SLC26A4: variants seen among roughly 807,000 people sequenced by gnomAD.
SLC26A4 encodes pendrin.
SLC26A4 carries 93 observed loss-of-function variants against 90.4 expected under a neutral mutation model. The ratio of observed to expected loss-of-function variants is 1.03; its 90% CI spans 0.87 to 1.22. The LOEUF (loss-of-function observed/expected upper bound fraction) is 1.22. SLC26A4 is among the 50% of genes most tolerant of loss of function. The probability of loss-of-function intolerance (pLI) is 0.00; values close to 1 mark genes in which losing one functional copy is unlikely to be tolerated. For missense variants in SLC26A4, 1,127 were observed against 946.2 expected (o/e 1.19, Z -2.51); for synonymous variants, 393 against 354.6 (o/e 1.11, Z -1.22).
Position 107,661,924 on chromosome 7 carries a change from G to A in SLC26A4, c.164+119G>A. ...CGGGCGGCGGAGCCCCTGGGCGCCAGCTGCTTCTCCCAGAGGCCCGACTTT... is the reference window on the plus strand; with the variant it reads ...CGGGCGGCGGAGCCCCTGGGCGCCAACTGCTTCTCCCAGAGGCCCGACTTT... On this transcript the variant is annotated intron_variant, in intron 2 of 20. Transcript: ENST00000644269. This position sits in a 1 kb window ranked among gnomAD's most constrained non-coding sequence, Gnocchi z 5.1. The A allele has an allele frequency of 8.5e-7, 1 of 1,170,450 alleles. No individual in the cohort carries two copies. The highest frequency in any genetic ancestry group is 1.6e-5 in the South Asian group (1 of 63,340). 72.5% of individuals were successfully genotyped at this position (1,170,450 alleles called of 1,614,324 possible).
chr7:107,706,195 A>C (rs1160315438), intron 18 of SLC26A4, among the ~76,000 whole-genome samples: 1 of 152,232 alleles, frequency 6.6e-6, no homozygotes, highest in East Asian at 1.9e-4. Context: ...ATGGTAGACC[A>C]ATTTGTTTAC....
chr7:107,676,778 A>G (rs1791034672), intron 6 of SLC26A4, among the ~76,000 whole-genome samples: 1 of 152,224 alleles, frequency 6.6e-6, no homozygotes, highest in Non-Finnish European at 1.5e-5. Context: ...ATCCCATACT[A>G]TTACACTCCA....
rs1432976327 is a variant in SLC26A4 at position 107,682,765 on chromosome 7, A to T, written c.766-437A>T. Among the ~76,000 whole-genome samples, 4 of 152,144 alleles carry T rather than the reference A, an allele frequency of 2.6e-5. No individual in the cohort carries two copies. The East Asian group carries it at 7.7e-4, about 29-fold the overall frequency. On this transcript the variant is annotated intron_variant, in intron 6 of 20. Transcript: ENST00000644269. ...CAGCCTTTAGTCTCAATGCTGTATC[A>T]CTGTAGTAAAAATCAGGCTACTTGA... is the stretch of plus-strand genomic sequence containing the variant.
At chr7:107,671,781 A>G (rs144289379) in intron 3 of SLC26A4, among the ~76,000 whole-genome samples, 2 of 152,348 alleles carry the variant, frequency 1.3e-5, no homozygotes, top group Non-Finnish European at 2.9e-5. Flanking sequence ...TGCAAGTTGA[A>G]CATATTTTAA....
In SLC26A4 at chr7:107,672,131, CT is replaced by C; in HGVS notation, c.305-4del. 2 of 1,573,666 alleles carry C rather than the reference CT, an allele frequency of 1.3e-6. No homozygotes were observed. The highest frequency in any genetic ancestry group is 1.1e-5 in the South Asian group (1 of 90,310). On this transcript the variant is annotated splice_polypyrimidine_tract_variant and splice_region_variant and intron_variant, in intron 3 of 20. Transcript: ENST00000644269. ...TGTGAATGTAATCACTTTGCATGTG[CT>C]TTCAGGGATGGCATATGCCCTACTA...
intron 18 of SLC26A4, among the ~76,000 whole-genome samples, chr7:107,708,125 A>G (rs1262529737): frequency 6.6e-6 from 1 of 152,220 alleles, no homozygotes; most frequent in Non-Finnish European, 1.5e-5. Flanking sequence ...ACATAGGCCC[A>G]CACTTTAGCC....
Position 107,716,623 on chromosome 7 carries a change from T to C in SLC26A4, c.*1177T>C, listed in dbSNP as rs1792351985. 1 of 152,204 alleles carries C rather than the reference T, an allele frequency of 6.6e-6. No individual in the cohort carries two copies. The highest frequency in any genetic ancestry group is 6.5e-5 in the Admixed American group (1 of 15,268). The allele number at this position is 152,204 out of a possible 1,614,324, so 9.4% of individuals were successfully genotyped here. On this transcript the variant is annotated 3_prime_UTR_variant, in exon 21 of 21. Transcript: ENST00000644269. ...TTTTTTTCCTAAGTGCCAACAATTT[T>C]CTAGATATTATATACAACACAGGCT...
chr7:107,691,510 T>C lies in SLC26A4; in HGVS notation c.1263+1273T>C, dbSNP rs1373814599. Among the ~76,000 whole-genome samples, 31 of 51,218 alleles carry C rather than the reference T, an allele frequency of 6.1e-4. 1 individual carries two copies. The highest frequency in any genetic ancestry group is 4.1e-3 in the East Asian group (3 of 734). The allele number at this position is 51,218 out of a possible 152,430, so 33.6% of individuals were successfully genotyped here. A position where few individuals can be genotyped will look rare whatever the true frequency, so the allele number is the denominator to read the frequency against. ...AGAGCTAGACTCTGTGTCAAATATA[T>C]ATATACACACACACACACACACACA... On this transcript the variant is annotated intron_variant, in intron 10 of 20. Transcript: ENST00000644269.
chr7:107,665,292 G>A (rs1350361343), intron 3 of SLC26A4, among the ~76,000 whole-genome samples: 4 of 152,224 alleles, frequency 2.6e-5, no homozygotes, highest in African/African-American at 7.2e-5. Flanking sequence ...ATCAGGCCAG[G>A]TAGATGCCCG....
At chr7:107,684,129 C>T (rs868445722) in intron 8 of SLC26A4, among the ~76,000 whole-genome samples, 5 of 152,034 alleles carry the variant, frequency 3.3e-5, no homozygotes, top group African/African-American at 7.2e-5. Context: ...TGAAAACAGC[C>T]GAAGCCTCAA....
chr7:107,690,713 G>T (rs1791543776), intron 10 of SLC26A4, among the ~76,000 whole-genome samples: 1 of 152,116 alleles, frequency 6.6e-6, no homozygotes, highest in South Asian at 2.1e-4. Flanking sequence ...TGCTAGCCAA[G>T]AATATTTTTG....
At chr7:107,672,369 TTTAA>T in intron 4 of SLC26A4, 121 bp downstream of exon 4, 2 of 343,884 alleles carry the variant, frequency 5.8e-6, no homozygotes, top group South Asian at 6.2e-5. Flanking sequence ...CAATTATACT[TTTAA>T]TTGTGAAAAC....
chr7:107,686,199 G>A lies in SLC26A4; in HGVS notation c.1001+2662G>A, dbSNP rs143184959. Among the ~76,000 whole-genome samples the A allele has an allele frequency of 1.3e-3, 200 of 151,746 alleles. 1 individual carries two copies. The highest frequency in any genetic ancestry group is 4.4e-3 in the African/African-American group (184 of 41,380). Reference sequence around the variant, plus strand: ...ATTCACTGTCTTGCCTCCTGTCTTCGTCAGTTCCAGAGGTCCTCTTGTTGT... The same window carrying A: ...ATTCACTGTCTTGCCTCCTGTCTTCATCAGTTCCAGAGGTCCTCTTGTTGT... On this transcript the variant is annotated intron_variant, in intron 8 of 20. Coordinates refer to ENST00000644269, the MANE Select transcript of SLC26A4 (RefSeq NM_000441.2).
At chr7:107,713,442 C>T (rs1792248324) in intron 20 of SLC26A4, among the ~76,000 whole-genome samples, 1 of 152,176 alleles carries the variant, frequency 6.6e-6, no homozygotes, top group African/African-American at 2.4e-5. Flanking sequence ...TGAGATCTGC[C>T]TTCCTTAGCA....
At chr7:107,704,465 T>C (rs931634581) in intron 18 of SLC26A4, 80 bp downstream of exon 18, 8 of 676,396 alleles carry the variant, frequency 1.2e-5, no homozygotes, top group Admixed American at 8.0e-5. Flanking sequence ...GGTCACATTA[T>C]GTCTGAAGGC....
rs1469108237 is a variant in SLC26A4, at chr7:107,685,962, C to G, written c.1001+2425C>G. Among the ~76,000 whole-genome samples the G allele has an allele frequency of 6.6e-5, 10 of 152,058 alleles. No individual in the cohort carries two copies. In the East Asian group the frequency reaches 1.2e-3, roughly 18 times the overall value. ...CTCTAAATTTTAATCCCTATTCACT[C>G]TCTTGCCTCCTGTCCTTGCCAGTTC... On this transcript the variant is annotated intron_variant, in intron 8 of 20. Coordinates refer to ENST00000644269, the MANE Select transcript of SLC26A4 (RefSeq NM_000441.2).
chr7:107,710,191 T>G lies in SLC26A4; in HGVS notation c.2227T>G (p.Leu743Val), dbSNP rs780626619. The change falls in exon 19 of 21, where the codon TTA becomes GTA. Residue 743 changes from leucine (L) to valine (V), a missense_variant. Leu to Val is a conservative substitution (Grantham distance 32). Transcript: ENST00000644269. ...ATCTCAAGAGGGTCAAGGTTCCATT[T>G]TAGAAACGGTAAATATTCAACCTTT... ...VKSQEGQGSI[L>V]ETITLIQDCK... 30 of 1,599,586 alleles carry G rather than the reference T, an allele frequency of 1.9e-5. No homozygotes were observed. Among genetic ancestry groups the G allele is most frequent in the Middle Eastern group, 1.7e-4 (1 of 6,060 alleles).
intron 8 of SLC26A4, among the ~76,000 whole-genome samples, chr7:107,683,981 C>A (rs978574245): frequency 1.3e-5 from 2 of 152,174 alleles, no homozygotes; most frequent in Non-Finnish European, 2.9e-5. Context: ...AAGTAAAATG[C>A]ATTATCTTCA....
rs1285972673 is a variant in SLC26A4, at chr7:107,698,046, T to C, written c.1549T>C (p.Ser517Pro). 6.2e-7 allele frequency: 1 copy of C among 1,605,326 alleles called. No homozygotes were observed. The highest frequency in any genetic ancestry group is 8.5e-7 in the Non-Finnish European group (1 of 1,172,048). ...LTVVLRVQFP[S>P]WNGLGSIPST... is the part of the protein sequence containing the mutation. ...CCTTGATATTTTTTCTTCTAGTCCT[T>C]CTTGGAATGGCCTTGGAAGCATCCC... is the stretch of plus-strand genomic sequence containing the variant. The change falls in exon 14 of 21, where the codon TCT becomes CCT. Residue 517 changes from serine (S) to proline (P), a missense_variant. By Grantham distance (74) the Ser-to-Pro change is moderately conservative. Transcript: ENST00000644269.
Sources: gnomAD v4.1 joint callset for allele counts (sites outside exome capture counted in the v4.1 genomes callset) on GRCh38, gnomAD v4.1.1 for gene constraint, Gnocchi (gnomAD v3.1) non-coding constraint, MANE v1.5 for transcripts, NCBI Gene and HGNC (gene_info 2026-07-23, HGNC 2026-07-21) for gene names.